The following LUZP2 variants were observed in gnomAD, a reference collection of about 807,000 sequenced individuals.
LUZP2 encodes leucine zipper protein 2.
LUZP2 carries 52 observed loss-of-function variants against 51.6 expected under a neutral mutation model. That is an observed-to-expected ratio of 1.01 (90% CI 0.81 to 1.27). The LOEUF is 1.27. LUZP2 is among the 50% of genes most tolerant of loss of function. The pLI is 0.00. For missense variants in LUZP2, 436 were observed against 395.4 expected, an observed-to-expected ratio of 1.10 and a Z score of -0.87; for synonymous variants, 154 against 137.3, an observed-to-expected ratio of 1.12 and a Z score of -0.85.
chr11:24,621,879 A>AT (rs1854506156), intron 1 of LUZP2, among the ~76,000 whole-genome samples: 1 of 151,652 alleles, frequency 6.6e-6, no homozygotes, highest in Admixed American at 6.6e-5. Context: ...TCCTTTTCTT[A>AT]TTTTTTATAA....
intron 10 of LUZP2, among the ~76,000 whole-genome samples, chr11:25,056,385 G>T (rs530296676): frequency 9.2e-5 from 14 of 151,982 alleles, no homozygotes; most frequent in Non-Finnish European, 1.9e-4. Flanking sequence ...TTCAATTTCA[G>T]GATTCTATAA....
chr11:24,841,380 T>C (rs989719354), intron 5 of LUZP2, among the ~76,000 whole-genome samples: 1 of 152,102 alleles, frequency 6.6e-6, no homozygotes, highest in African/African-American at 2.4e-5. Flanking sequence ...GAGAAATAAA[T>C]GTTTGTTGCT....
intron 9 of LUZP2, among the ~76,000 whole-genome samples, chr11:25,008,604 A>G (rs145323818): frequency 2.0e-5 from 3 of 152,256 alleles, no homozygotes; most frequent in Non-Finnish European, 4.4e-5. Context: ...GAGGGTTACA[A>G]TGTTACAGGT....
At chr11:24,616,643 G>A (rs12287940) in intron 1 of LUZP2, among the ~76,000 whole-genome samples, 33,686 of 151,816 alleles carry the variant, frequency 0.22, 4,597 homozygotes, top group African/African-American at 0.38. Context: ...TGAGTTGTCA[G>A]TGGTGTTGCA....
chr11:25,000,358 C>T (rs906855322), intron 9 of LUZP2, among the ~76,000 whole-genome samples: 3 of 152,118 alleles, frequency 2.0e-5, no homozygotes, highest in Non-Finnish European at 4.4e-5. Flanking sequence ...CTACTTCCTG[C>T]TGGATAGGGG....
chr11:24,519,968 C>T (rs914663154), intron 1 of LUZP2, among the ~76,000 whole-genome samples: 1 of 152,170 alleles, frequency 6.6e-6, no homozygotes, highest in Non-Finnish European at 1.5e-5. Flanking sequence ...GTATGAGTTA[C>T]TATTATTAAT....
chr11:25,029,970 T>C (rs111653158), intron 9 of LUZP2, among the ~76,000 whole-genome samples: 10 of 152,100 alleles, frequency 6.6e-5, no homozygotes, highest in African/African-American at 2.4e-4. Context: ...GTACATAACA[T>C]AATAAAACAA....
intron 1 of LUZP2, among the ~76,000 whole-genome samples, chr11:24,649,423 T>A (rs1046432435): frequency 6.6e-6 from 1 of 151,974 alleles, no homozygotes; most frequent in African/African-American, 2.4e-5. Flanking sequence ...GAGGGAGGCT[T>A]TTAATCAATG....
At chr11:24,617,902 G>A (rs1487408925) in intron 1 of LUZP2, among the ~76,000 whole-genome samples, 5 of 151,924 alleles carry the variant, frequency 3.3e-5, no homozygotes, top group African/African-American at 1.2e-4. Context: ...GATATTTGGG[G>A]TATTATGTTA....
intron 7 of LUZP2, among the ~76,000 whole-genome samples, chr11:24,917,465 T>C (rs1231042245): frequency 6.6e-6 from 1 of 152,182 alleles, no homozygotes; most frequent in Non-Finnish European, 1.5e-5. Flanking sequence ...TTTATGGTTT[T>C]AGGTCTAACA....
At chr11:24,559,536 A>C (rs2133768154) in intron 1 of LUZP2, among the ~76,000 whole-genome samples, 1 of 152,312 alleles carries the variant, frequency 6.6e-6, no homozygotes, top group African/African-American at 2.4e-5. Flanking sequence ...CAGGAAGCAT[A>C]ATCAGAATAT....
intron 4 of LUZP2, chr11:24,762,791 CTATTCT>C (rs1320988769): frequency 1.3e-5 from 2 of 154,270 alleles, no homozygotes; most frequent in Admixed American, 1.3e-4. Context: ...CTTCGGTAGA[CTATTCT>C]TAATGTCCCG....
chr11:24,979,581 A>G (rs1855971040), intron 8 of LUZP2, among the ~76,000 whole-genome samples: 1 of 151,898 alleles, frequency 6.6e-6, no homozygotes, highest in Non-Finnish European at 1.5e-5. Flanking sequence ...ATATTTAATG[A>G]AAGAAGTCTC....
At chr11:24,979,960 AGACCT>A (rs1400369369) in intron 8 of LUZP2, among the ~76,000 whole-genome samples, 1 of 151,816 alleles carries the variant, frequency 6.6e-6, no homozygotes, top group Admixed American at 6.6e-5. Flanking sequence ...TTAAAAATAA[AGACCT>A]GACCTAAATG....
rs962998993 is a variant in LUZP2, at chr11:25,070,915, A to T, written c.859-6414A>T. Among the ~76,000 whole-genome samples, 7 of 151,608 alleles carry T rather than the reference A, an allele frequency of 4.6e-5. No homozygotes were observed. The East Asian group carries it at 1.4e-3, about 29-fold the overall frequency. ...TTGCCCTTCAGTTCACATCTTGAAA[A>T]GGTTCCCTTCTTTGAATCACCTTTA... On this transcript the variant is annotated intron_variant, in intron 10 of 11. Coordinates refer to ENST00000336930, the MANE Select transcript of LUZP2 (RefSeq NM_001009909.4).
Position 24,808,196 on chromosome 11 carries a change from G to A in LUZP2, c.396+44888G>A, listed in dbSNP as rs114039102. 3.3e-3 allele frequency among the ~76,000 whole-genome samples: 500 copies of A among 152,144 alleles called. 2 individuals are homozygous for A. The highest frequency in any genetic ancestry group is 0.011 in the African/African-American group (471 of 41,506). ...GTTAATTTAAATAATTAATGTAAGC[G>A]GATGATAACAACATAGGTGCTAGCA... On this transcript the variant is annotated intron_variant, in intron 5 of 11. Coordinates refer to ENST00000336930, the MANE Select transcript of LUZP2 (RefSeq NM_001009909.4).
At chr11:24,833,405 T>C (rs886820198) in intron 5 of LUZP2, among the ~76,000 whole-genome samples, 1 of 132,414 alleles carries the variant, frequency 7.6e-6, no homozygotes, top group Non-Finnish European at 1.7e-5. Flanking sequence ...TGAGTGTTAT[T>C]GTTTGTTGGA....
intron 10 of LUZP2, among the ~76,000 whole-genome samples, chr11:25,060,150 T>G (rs1477657274): frequency 1.3e-5 from 2 of 152,142 alleles, no homozygotes; most frequent in Non-Finnish European, 2.9e-5. Context: ...AAAAAGAATT[T>G]GTCTTCATTC....
rs140307489 is a variant in LUZP2 at position 24,568,715 on chromosome 11, T to C, written c.62+71410T>C. Among the ~76,000 whole-genome samples, 1,078 of 152,140 alleles carry C rather than the reference T, an allele frequency of 7.1e-3. 15 individuals are homozygous for C. Among genetic ancestry groups the C allele is most frequent in the African/African-American group, 0.025 (1,035 of 41,566 alleles). Reference sequence around the variant, plus strand: ...GTTTTATTCTAAGTTATTATGCAAATGTTTCTTAAATTATTAAAAAGAAAG... The same window carrying C: ...GTTTTATTCTAAGTTATTATGCAAACGTTTCTTAAATTATTAAAAAGAAAG... On this transcript the variant is annotated intron_variant, in intron 1 of 11. Coordinates refer to ENST00000336930, the MANE Select transcript of LUZP2 (RefSeq NM_001009909.4).
Sources: allele counts gnomAD v4.1 joint callset (sites outside exome capture counted in the v4.1 genomes callset), GRCh38; gene constraint gnomAD v4.1.1; transcripts MANE v1.5; gene names NCBI Gene and HGNC (gene_info 2026-07-23, HGNC 2026-07-21).